The following RPF1 variants were observed in gnomAD, a reference collection of about 807,000 sequenced individuals.
The protein encoded by RPF1 is ribosome production factor 1.
A neutral mutation model predicts 41.9 loss-of-function variants in RPF1; 34 were observed. That is an observed-to-expected ratio of 0.81 (90% confidence interval 0.62 to 1.08). RPF1 has a LOEUF of 1.08. Ranked by LOEUF, RPF1 falls within the 50% of genes least tolerant of loss-of-function variation. The pLI is 0.00. For synonymous variants in RPF1, 140 were observed against 148.9 expected (o/e 0.94, Z 0.43); for missense variants, 425 against 435.2 (o/e 0.98, Z 0.21).
chr1:84,483,093 C>T, intron 3 of RPF1, 98 bp downstream of exon 3: 4 of 697,696 alleles, frequency 5.7e-6, no homozygotes, highest in Non-Finnish European at 1.0e-5. Context: ...GGCCAAGTTG[C>T]ATAATGGACT....
intron 2 of RPF1, 139 bp downstream of exon 2, chr1:84,481,151 C>T (rs1681640618): frequency 3.8e-6 from 2 of 532,032 alleles, no homozygotes; most frequent in Non-Finnish European, 6.5e-6. Flanking sequence ...ATATAATAAA[C>T]CTCTTTGTAT....
rs1387247385 is a variant in RPF1 at position 84,479,313 on chromosome 1, G to A, written c.32G>A (p.Ser11Asn). 6.2e-7 allele frequency: 1 copy of A among 1,608,856 alleles called. No individual in the cohort carries two copies. The highest frequency in any genetic ancestry group is 8.5e-7 in the Non-Finnish European group (1 of 1,177,434). Residue 11 changes from serine to asparagine, a missense_variant, in exon 1 of 9, where the codon AGC becomes AAC. Transcript: ENST00000370654. ...AAAGCCGGGGATAAGAGCAGCAGCA[G>A]CGGGAAGAAAAGTCTAAAACGGAAA... MAKAGDKSSS[S>N]GKKSLKRKAA...
chr1:84,484,273 GAGTA>G (rs1335902514), intron 3 of RPF1, among the ~76,000 whole-genome samples: 1 of 152,112 alleles, frequency 6.6e-6, no homozygotes, highest in Non-Finnish European at 1.5e-5. Flanking sequence ...TCTTAAATAA[GAGTA>G]AGTGGCAGAC....
Position 84,497,828 on chromosome 1 carries a change from T to C in RPF1, c.*358T>C. 6.0e-6 allele frequency: 1 copy of C among 167,622 alleles called. No individual in the cohort carries two copies. The allele number at this position is 167,622 out of a possible 1,614,324, so 10.4% of individuals were successfully genotyped here. A position where few individuals can be genotyped will look rare whatever the true frequency, so the allele number is the denominator to read the frequency against. On this transcript the variant is annotated 3_prime_UTR_variant, in exon 9 of 9. Coordinates refer to ENST00000370654, the MANE Select transcript of RPF1 (RefSeq NM_025065.7). The stretch of plus-strand genomic sequence containing the variant: ...CTTGATTTTTATACCAGATTAACCT[T>C]GGATTCCCAGTGTCTGGCACAGTTT...
chr1:84,482,283 A>G (rs61768860), intron 2 of RPF1, among the ~76,000 whole-genome samples: 6,428 of 152,306 alleles, frequency 0.042, 224 homozygotes, highest in Non-Finnish European at 0.052. Flanking sequence ...TTCTTGGTCT[A>G]AGCTGAGTAT....
At position 84,496,273 on chromosome 1, in the gene RPF1, G is replaced by T. The variant is rs978772869; in HGVS notation, c.911G>T (p.Gly304Val). 6.2e-7 allele frequency: 1 copy of T among 1,613,418 alleles called. No homozygotes were observed. The highest frequency in any genetic ancestry group is 8.5e-7 in the Non-Finnish European group (1 of 1,179,586). ...ATATTCAGGAGTGAAAAGAAAGTGG[G>T]AATTCAGGAACTTGGACCACGTTTT... The part of the protein sequence containing the change: ...RYIFRSEKKV[G>V]IQELGPRFTL... The change falls in exon 8 of 9, where the codon GGA becomes GTA. Residue 304 changes from glycine to valine, a missense_variant. Transcript: ENST00000370654.
At chr1:84,488,341 TATC>T (rs1681771166) in intron 3 of RPF1, among the ~76,000 whole-genome samples, 2 of 152,284 alleles carry the variant, frequency 1.3e-5, no homozygotes, top group East Asian at 3.9e-4. Context: ...TATTCCTGGA[TATC>T]TTACAGTTTT....
At chr1:84,483,351 C>G (rs1437403312) in intron 3 of RPF1, 1 of 178,470 alleles carries the variant, frequency 5.6e-6, no homozygotes, top group Non-Finnish European at 1.2e-5. Flanking sequence ...ACTGCACCCT[C>G]TGCCTCCCAG....
chr1:84,487,446 TC>T (rs1232146342), intron 3 of RPF1, among the ~76,000 whole-genome samples: 1 of 152,202 alleles, frequency 6.6e-6, no homozygotes, highest in Non-Finnish European at 1.5e-5. Context: ...TGCCCAGTTT[TC>T]TATCATGTAG....
intron 2 of RPF1, among the ~76,000 whole-genome samples, chr1:84,481,676 T>C (rs1040844391): frequency 6.6e-6 from 1 of 152,224 alleles, no homozygotes; most frequent in Admixed American, 6.5e-5. Flanking sequence ...AAATCTTTAT[T>C]GAAAAAATTT....
At chr1:84,482,265 T>C (rs939932807) in intron 2 of RPF1, among the ~76,000 whole-genome samples, 1 of 152,250 alleles carries the variant, frequency 6.6e-6, no homozygotes, top group African/African-American at 2.4e-5. Context: ...GCAATTCATT[T>C]ACACCATTTC....
chr1:84,484,056 T>G (rs1309693520), intron 3 of RPF1, among the ~76,000 whole-genome samples: 1 of 152,110 alleles, frequency 6.6e-6, no homozygotes, highest in Non-Finnish European at 1.5e-5. Context: ...AATAAATAAG[T>G]TAGACATATG....
intron 2 of RPF1, among the ~76,000 whole-genome samples, chr1:84,482,158 G>A (rs1020888735): frequency 6.6e-6 from 1 of 152,126 alleles, no homozygotes; most frequent in Non-Finnish European, 1.5e-5. Flanking sequence ...AGTAATAAAT[G>A]CTAGTTTCAG....
chr1:84,490,121 G>T (rs185526040), intron 4 of RPF1, among the ~76,000 whole-genome samples, 198 bp from the exon 5 acceptor site: 1 of 152,076 alleles, frequency 6.6e-6, no homozygotes, highest in African/African-American at 2.4e-5. Flanking sequence ...GAGCAGAATC[G>T]CCCCTAATTG....
rs762064441 is a variant in RPF1, at chr1:84,497,473, T to C, written c.*3T>C. On this transcript the variant is annotated 3_prime_UTR_variant, in exon 9 of 9. Transcript: ENST00000370654. ...GTAGAAGAAAATTCCATTTATAAAG[T>C]ACTGAGAGAATGATATTGGATTTTG... The C allele has an allele frequency of 8.1e-6, 13 of 1,607,240 alleles. No homozygotes were observed. The highest frequency in any genetic ancestry group is 1.1e-5 in the Non-Finnish European group (13 of 1,175,198).
chr1:84,496,202 A>G (rs755237626), intron 7 of RPF1, 42 bp from the exon 8 acceptor site: 1 of 1,574,600 alleles, frequency 6.4e-7, no homozygotes, highest in East Asian at 2.2e-5. Context: ...AATGTTAAAC[A>G]ATAGCTCATT....
In RPF1 at chr1:84,495,929, T is replaced by C; in HGVS notation, c.747T>C (p.Asn249=). The part of the protein sequence containing the change: ...PTEHIPEIIL[N]NFTTRLGHSI... The stretch of plus-strand genomic sequence containing the variant: ...AACACATACCTGAAATAATTCTGAA[T>C]AATTTTACAACACGGCTGGGTCATT... Residue 249 remains asparagine, a synonymous_variant, in exon 7 of 9, where the codon AAT becomes AAC. Coordinates refer to ENST00000370654, the MANE Select transcript of RPF1 (RefSeq NM_025065.7). The C allele has an allele frequency of 6.2e-7, 1 of 1,611,114 alleles. No homozygotes were observed.
At chr1:84,495,763 G>A in intron 6 of RPF1, 119 bp from the exon 7 acceptor site, 1 of 627,734 alleles carries the variant, frequency 1.6e-6, no homozygotes, top group South Asian at 2.3e-5. Flanking sequence ...GTGGTAGTTT[G>A]TCACTAAAAA....
rs930724082 is a variant in RPF1 at position 84,489,516 on chromosome 1, T to G, written c.367-117T>G. On this transcript the variant is annotated intron_variant, in intron 3 of 8. Transcript: ENST00000370654. ...ATGTCAGTCCTTCCTAGTCTGTCTT[T>G]AAAGCCCCTATCAGCTAGATACTCA... The G allele has an allele frequency of 3.1e-5, 20 of 651,982 alleles. No individual in the cohort carries two copies. The East Asian group carries it at 5.2e-4, about 17-fold the overall frequency. 40.4% of individuals were successfully genotyped at this position (651,982 alleles called of 1,614,324 possible).
Sources: gnomAD v4.1 joint callset for allele counts (sites outside exome capture counted in the v4.1 genomes callset) on GRCh38, gnomAD v4.1.1 for gene constraint, MANE v1.5 for transcripts, NCBI Gene and HGNC (gene_info 2026-07-23, HGNC 2026-07-21) for gene names.